The following ADGRB3 variants were observed in gnomAD, a reference collection of about 807,000 sequenced individuals.
The protein encoded by ADGRB3 is brain-specific angiogenesis inhibitor 3.
Under a neutral mutation model 193.4 loss-of-function variants are expected in ADGRB3, and 37 were observed. The ratio of observed to expected loss-of-function variants is 0.19; its 90% confidence interval spans 0.15 to 0.25. The LOEUF is 0.25. Among genes scored for constraint, ADGRB3 ranks in the 10% least tolerant of loss-of-function variants. The pLI is 1.00. For synonymous variants in ADGRB3, 690 were observed against 644.2 expected, an observed-to-expected ratio of 1.07 and a Z score of -1.08; for missense variants, 1,637 against 1,852.9, an observed-to-expected ratio of 0.88 and a Z score of 2.14.
intron 20 of ADGRB3, among the ~76,000 whole-genome samples, chr6:69,269,232 C>G (rs930731574): frequency 2.0e-5 from 3 of 152,008 alleles, no homozygotes; most frequent in Admixed American, 1.3e-4. Flanking sequence ...ATTCCAGAAA[C>G]AACATTCTTA....
At chr6:69,249,632 T>G (rs1561965849) in intron 20 of ADGRB3, among the ~76,000 whole-genome samples, 1 of 152,080 alleles carries the variant, frequency 6.6e-6, no homozygotes, top group Non-Finnish European at 1.5e-5. Context: ...ATAGACAGAG[T>G]TCTCTTTTTA....
intron 4 of ADGRB3, among the ~76,000 whole-genome samples, chr6:68,935,108 C>G (rs1406718401): frequency 4.6e-5 from 7 of 152,158 alleles, no homozygotes; most frequent in African/African-American, 7.2e-5. Context: ...CATAATGGTA[C>G]TACTCAAAGT....
At chr6:69,256,038 C>T (rs1465007243) in intron 20 of ADGRB3, among the ~76,000 whole-genome samples, 1 of 151,840 alleles carries the variant, frequency 6.6e-6, no homozygotes, top group Non-Finnish European at 1.5e-5. Flanking sequence ...TTTCTGAGGG[C>T]TCTGTTCTGT....
At chr6:69,333,355 A>G (rs909474513) in intron 24 of ADGRB3, among the ~76,000 whole-genome samples, 28 of 152,184 alleles carry the variant, frequency 1.8e-4, no homozygotes, top group African/African-American at 6.8e-4. Context: ...CAGGAGGTAG[A>G]TTGAACACAG....
intron 3 of ADGRB3, among the ~76,000 whole-genome samples, chr6:68,842,472 T>A (rs1278856070): frequency 6.6e-6 from 1 of 151,828 alleles, no homozygotes; most frequent in Non-Finnish European, 1.5e-5. Flanking sequence ...AATTGAAATA[T>A]GAAGAAATCC....
At chr6:69,025,285 C>T (rs62416762) in intron 13 of ADGRB3, among the ~76,000 whole-genome samples, 17,132 of 152,004 alleles carry the variant, frequency 0.11, 1,138 homozygotes, top group Middle Eastern at 0.26. Context: ...TTCTTATATT[C>T]ACTGGCAAAC....
At chr6:68,803,412 A>G (rs1270183428) in intron 3 of ADGRB3, among the ~76,000 whole-genome samples, 1 of 152,080 alleles carries the variant, frequency 6.6e-6, no homozygotes, top group Non-Finnish European at 1.5e-5. Context: ...CAACAGGCTC[A>G]CTGAAACCAG....
At chr6:68,858,314 C>T (rs182397666) in intron 3 of ADGRB3, among the ~76,000 whole-genome samples, 1 of 152,030 alleles carries the variant, frequency 6.6e-6, no homozygotes, top group African/African-American at 2.4e-5. Context: ...ATCAGTCTGG[C>T]CAACATAGAG....
chr6:68,762,124 T>C (rs930847903), intron 3 of ADGRB3, among the ~76,000 whole-genome samples: 2 of 152,132 alleles, frequency 1.3e-5, no homozygotes, highest in African/African-American at 4.8e-5. Context: ...TCCAAGGTAT[T>C]TTATAGTTTT....
chr6:69,284,720 A>G (rs953667765), intron 20 of ADGRB3, among the ~76,000 whole-genome samples: 2 of 152,166 alleles, frequency 1.3e-5, no homozygotes, highest in Non-Finnish European at 2.9e-5. Flanking sequence ...TAACCTGACA[A>G]TTGACTGAAG....
chr6:69,304,987 G>A (rs1768034526), intron 20 of ADGRB3, among the ~76,000 whole-genome samples: 1 of 151,512 alleles, frequency 6.6e-6, no homozygotes, highest in Non-Finnish European at 1.5e-5. Context: ...CAACATGTCT[G>A]AGTGTGAATC....
intron 16 of ADGRB3, among the ~76,000 whole-genome samples, chr6:69,068,049 A>G (rs911447934): frequency 1.5e-4 from 23 of 152,194 alleles, no homozygotes; most frequent in African/African-American, 5.3e-4. Flanking sequence ...GCAGCCATTG[A>G]CAATATGAAC....
intron 11 of ADGRB3, among the ~76,000 whole-genome samples, chr6:69,001,111 A>G (rs528917789): frequency 4.6e-5 from 7 of 152,318 alleles, no homozygotes; most frequent in Middle Eastern, 3.4e-3. Context: ...ACTTCTATGA[A>G]TTTTCGAAAG....
intron 3 of ADGRB3, among the ~76,000 whole-genome samples, chr6:68,806,379 C>G (rs1289478733): frequency 6.6e-6 from 1 of 151,824 alleles, no homozygotes; most frequent in Non-Finnish European, 1.5e-5. Context: ...ATTTTAAATT[C>G]TTTTTAATGG....
chr6:68,684,518 T>C (rs1441757403), intron 3 of ADGRB3, among the ~76,000 whole-genome samples: 1 of 152,168 alleles, frequency 6.6e-6, no homozygotes, highest in African/African-American at 2.4e-5. Flanking sequence ...AATCTTACAT[T>C]TTATAATGGG....
At chr6:68,815,128 T>C (rs1767603976) in intron 3 of ADGRB3, among the ~76,000 whole-genome samples, 1 of 151,932 alleles carries the variant, frequency 6.6e-6, no homozygotes, top group Non-Finnish European at 1.5e-5. Context: ...GTGTTGGGAG[T>C]TCTGGCCAGG....
chr6:68,766,905 C>T (rs1166433173), intron 3 of ADGRB3, among the ~76,000 whole-genome samples: 1 of 151,904 alleles, frequency 6.6e-6, no homozygotes, highest in Non-Finnish European at 1.5e-5. Context: ...GACAATAATT[C>T]ATTTGTAACA....
intron 3 of ADGRB3, among the ~76,000 whole-genome samples, chr6:68,897,514 A>AAGGG (rs1359488715): frequency 1.0e-5 from 1 of 98,084 alleles, no homozygotes; most frequent in Non-Finnish European, 2.1e-5. Context: ...GGAAGGAAGG[A>AAGGG]AGGGAGGGAG....
At chr6:68,714,900 T>A (rs1765464626) in intron 3 of ADGRB3, among the ~76,000 whole-genome samples, 1 of 151,728 alleles carries the variant, frequency 6.6e-6, no homozygotes, top group Non-Finnish European at 1.5e-5. Flanking sequence ...GATTAAGTGA[T>A]CTCATCTGTA....
Sources: allele counts gnomAD v4.1 joint callset (sites outside exome capture counted in the v4.1 genomes callset), GRCh38; gene constraint gnomAD v4.1.1; transcripts MANE v1.5; gene names NCBI Gene and HGNC (gene_info 2026-07-23, HGNC 2026-07-21).